The following FHIT variants were observed in gnomAD, a reference collection of about 807,000 sequenced individuals.
FHIT encodes bis(5'-adenosyl)-triphosphatase.
A neutral mutation model predicts 17.9 loss-of-function variants in FHIT; 19 were observed. The observed-to-expected ratio is 1.06, with a 90% CI of 0.74 to 1.56. The LOEUF is 1.56. FHIT is among the 40% of genes most tolerant of loss of function. The pLI is 0.00. For synonymous variants in FHIT, 81 were observed against 69.7 expected (o/e 1.16, Z -0.81); for missense variants, 248 against 189.2 (o/e 1.31, Z -1.82).
intron 5 of FHIT, among the ~76,000 whole-genome samples, chr3:60,286,172 T>A (rs997262978): frequency 6.6e-6 from 1 of 152,190 alleles, no homozygotes. Context: ...CACCTCCTGA[T>A]AGTGTATGAC....
At chr3:61,174,870 C>A (rs1256166475) in intron 2 of FHIT, among the ~76,000 whole-genome samples, 1 of 152,204 alleles carries the variant, frequency 6.6e-6, no homozygotes, top group South Asian at 2.1e-4. Flanking sequence ...ATTATCCAAA[C>A]TGTCCTATTC....
At chr3:61,045,781 C>T (rs1171106826) in intron 2 of FHIT, among the ~76,000 whole-genome samples, 1 of 152,116 alleles carries the variant, frequency 6.6e-6, no homozygotes, top group African/African-American at 2.4e-5. Context: ...GAAATTATAA[C>T]AAACTGTCTC....
Position 60,441,757 on chromosome 3 carries a change from A to AATAT in FHIT, c.103+95099_103+95102dup, listed in dbSNP as rs1553772841. On this transcript the variant is annotated intron_variant, in intron 5 of 9. Transcript: ENST00000492590. Reference sequence around the variant, plus strand: ...ATATATATATATTTATATATATAAAAATATATATATATTTATATGTATAAA... The same window carrying AATAT: ...ATATATATATATTTATATATATAAAAATATATATATATATATTTATATGTATAAA... 2.7e-4 allele frequency among the ~76,000 whole-genome samples: 15 copies of AATAT among 55,940 alleles called. No homozygotes were observed. The East Asian group carries it at 3.8e-3, about 14-fold the overall frequency. The allele number at this position is 55,940 out of a possible 152,430, so 36.7% of individuals were successfully genotyped here. A position where few individuals can be genotyped will look rare whatever the true frequency, so the allele number is the denominator to read the frequency against.
At position 60,721,128 on chromosome 3, in the gene FHIT, A is replaced by G. The variant is rs145236434; in HGVS notation, c.-18+100791T>C. Among the ~76,000 whole-genome samples the G allele has an allele frequency of 1.9e-3, 287 of 152,262 alleles. 3 individuals carry two copies. The highest frequency in any genetic ancestry group is 5.4e-3 in the African/African-American group (225 of 41,560). On this transcript the variant is annotated intron_variant, in intron 4 of 9. Transcript: ENST00000492590. ...AGCAATTAATTCCTACTGCTAAAAA[A>G]AAAGGTGAGAACTCCTGAGTGTTCC...
intron 4 of FHIT, among the ~76,000 whole-genome samples, chr3:60,657,958 T>C (rs1484655774): frequency 6.6e-6 from 1 of 152,196 alleles, no homozygotes; most frequent in Non-Finnish European, 1.5e-5. Flanking sequence ...ACATAAAATT[T>C]AGCATCTTAA....
intron 4 of FHIT, among the ~76,000 whole-genome samples, chr3:60,776,516 G>A (rs571403126): frequency 6.6e-6 from 1 of 152,292 alleles, no homozygotes; most frequent in South Asian, 2.1e-4. Flanking sequence ...CAGGTCAGAT[G>A]CAAGGTTTGC....
intron 8 of FHIT, among the ~76,000 whole-genome samples, chr3:59,890,941 C>A (rs577564344): frequency 3.5e-4 from 53 of 152,196 alleles, no homozygotes; most frequent in Non-Finnish European, 6.8e-4. Flanking sequence ...AAAGAGCACA[C>A]ACTTTGAGAA....
At chr3:60,660,729 C>CTTTTTTTTTTTTCTTTTTTTTTTTTTT (rs2040223364) in intron 4 of FHIT, among the ~76,000 whole-genome samples, 1 of 37,278 alleles carries the variant, frequency 2.7e-5, no homozygotes, top group African/African-American at 8.2e-5. Flanking sequence ...TTATTGTGCT[C>CTTTTTTTTTTTTCTTTTTTTTTTTTTT]TTTTTTTTTT....
rs1331501075 is a variant in FHIT, at chr3:60,536,918, C to T, written c.45G>A (p.Val15=). 3.1e-6 allele frequency: 5 copies of T among 1,612,980 alleles called. No individual in the cohort carries two copies. The highest frequency in any genetic ancestry group is 1.1e-5 in the South Asian group (1 of 90,974). The stretch of plus-strand genomic sequence containing the variant: ...CGAAGGACAGTTCTGTTTTGAGAAA[C>T]ACTACAGAGGGCTTGATGAGATGTT... ...FGQHLIKPSV[V]FLKTELSFAL... Residue 15 remains valine (V), a synonymous_variant, in exon 5 of 10, where the codon GTG becomes GTA. Transcript: ENST00000492590.
At chr3:61,050,569 T>C (rs1331286190) in intron 2 of FHIT, among the ~76,000 whole-genome samples, 1 of 152,190 alleles carries the variant, frequency 6.6e-6, no homozygotes, top group African/African-American at 2.4e-5. Context: ...CAGTTAGAGA[T>C]ATCTACTGAA....
chr3:59,809,726 T>C (rs1207725600), intron 8 of FHIT, among the ~76,000 whole-genome samples: 6 of 152,160 alleles, frequency 3.9e-5, no homozygotes, highest in African/African-American at 1.4e-4. Context: ...GTTTGCTTGT[T>C]TCCAGGAGAA....
rs115720643 is a variant in FHIT at position 59,929,348 on chromosome 3, C to T, written c.280-6934G>A. 4.4e-3 allele frequency among the ~76,000 whole-genome samples: 632 copies of T among 144,102 alleles called. 4 individuals are homozygous for T. Among genetic ancestry groups the T allele is most frequent in the African/African-American group, 0.015 (578 of 39,110 alleles). 94.5% of individuals were successfully genotyped at this position (144,102 alleles called of 152,430 possible). On this transcript the variant is annotated intron_variant, in intron 7 of 9. Coordinates refer to ENST00000492590, the MANE Select transcript of FHIT (RefSeq NM_002012.4). ...CCTCAGCAAGACTCAGAAATCTTCA[C>T]GTATTGTTTTTTTGGTTTTTTTTTT...
chr3:61,102,775 G>C (rs1398986417), intron 2 of FHIT, among the ~76,000 whole-genome samples: 2 of 152,168 alleles, frequency 1.3e-5, no homozygotes, highest in African/African-American at 2.4e-5. Flanking sequence ...TCCTGGTTTA[G>C]TCTTGGGAGG....
At chr3:59,983,425 G>C (rs574011487) in intron 7 of FHIT, among the ~76,000 whole-genome samples, 4 of 152,206 alleles carry the variant, frequency 2.6e-5, no homozygotes, top group African/African-American at 9.6e-5. Flanking sequence ...AATATTCTGA[G>C]AGCAAGAAAA....
At chr3:60,600,834 C>T (rs1576950727) in intron 4 of FHIT, among the ~76,000 whole-genome samples, 1 of 152,286 alleles carries the variant, frequency 6.6e-6, no homozygotes, top group East Asian at 1.9e-4. Context: ...TATAGATGTT[C>T]TTTTTATGAG....
chr3:60,001,239 G>A (rs1559537931), intron 7 of FHIT, among the ~76,000 whole-genome samples: 1 of 152,174 alleles, frequency 6.6e-6, no homozygotes, highest in Non-Finnish European at 1.5e-5. Flanking sequence ...CAGTGCCTGG[G>A]AGCACATGGC....
chr3:60,030,998 G>A (rs957111796), intron 5 of FHIT, among the ~76,000 whole-genome samples: 4 of 152,250 alleles, frequency 2.6e-5, no homozygotes, highest in Middle Eastern at 3.4e-3. Context: ...ATCTAAAAAT[G>A]AGAATTCTTC....
intron 2 of FHIT, among the ~76,000 whole-genome samples, chr3:61,146,589 A>C (rs2107026058): frequency 6.6e-6 from 1 of 152,206 alleles, no homozygotes. Flanking sequence ...AAACTACAGA[A>C]TCTGCTTGGT....
chr3:60,062,311 T>C (rs969886537), intron 5 of FHIT, among the ~76,000 whole-genome samples: 1 of 151,910 alleles, frequency 6.6e-6, no homozygotes, highest in Non-Finnish European at 1.5e-5. Context: ...TGCTGTGGAG[T>C]GAAGAAAACA....
Sources: allele counts gnomAD v4.1 joint callset (sites outside exome capture counted in the v4.1 genomes callset), GRCh38; gene constraint gnomAD v4.1.1; transcripts MANE v1.5; gene names NCBI Gene and HGNC (gene_info 2026-07-23, HGNC 2026-07-21).